Variants in MARCHF3 observed in about 807,000 individuals in gnomAD.
MARCHF3 encodes the protein E3 ubiquitin-protein ligase MARCHF3.
In MARCHF3, 13 loss-of-function variants were observed where a neutral mutation model predicts 24.2. The ratio of observed to expected loss-of-function variants is 0.54; its 90% CI spans 0.35 to 0.85. The LOEUF (loss-of-function observed/expected upper bound fraction) is 0.85. Among genes scored for constraint, MARCHF3 ranks in the 40% least tolerant of loss-of-function variants. The pLI is 0.01. For missense variants in MARCHF3, 276 were observed against 325.0 expected (o/e 0.85, Z 1.16); for synonymous variants, 144 against 137.3 (o/e 1.05, Z -0.34).
At chr5:127,004,334 GCT>G (rs1752237169) in intron 1 of MARCHF3, among the ~76,000 whole-genome samples, 2 of 152,082 alleles carry the variant, frequency 1.3e-5, no homozygotes, top group African/African-American at 2.4e-5. Context: ...TCCGTGTGCT[GCT>G]CTGTTTATTT....
chr5:127,018,152 C>T (rs1336316421), intron 1 of MARCHF3, among the ~76,000 whole-genome samples: 1 of 152,170 alleles, frequency 6.6e-6, no homozygotes, highest in Admixed American at 6.5e-5. Context: ...GGGCAGATCA[C>T]CTGAGGTCAG....
rs527628656 is a variant in MARCHF3 at position 126,938,165 on chromosome 5, CTTTT to C, written c.-56-19942_-56-19939del. On this transcript the variant is annotated intron_variant, in intron 1 of 4. Coordinates refer to ENST00000308660, the MANE Select transcript of MARCHF3 (RefSeq NM_178450.5). ...AATTCTCAGCTCTGTTGATCTGATT[CTTTT>C]TTTTTTTTTTTTTTTTTTGAGACAG... Among the ~76,000 whole-genome samples, 1,044 of 122,870 alleles carry C rather than the reference CTTTT, an allele frequency of 8.5e-3. 7 individuals are homozygous for C. Among genetic ancestry groups the C allele is most frequent in the East Asian group, 0.026 (114 of 4,380 alleles). The allele number at this position is 122,870 out of a possible 152,430, so 80.6% of individuals were successfully genotyped here.
chr5:126,870,531 C>A lies in MARCHF3; in HGVS notation c.*102G>T. ...TATGCTCTGGATGTTCTTAGACCCACAGGCTTAAGGAAGGGCTTGGGGGTC... is the reference window on the plus strand; with the variant it reads ...TATGCTCTGGATGTTCTTAGACCCAAAGGCTTAAGGAAGGGCTTGGGGGTC... On this transcript the variant is annotated 3_prime_UTR_variant, in exon 5 of 5. Transcript: ENST00000308660. The A allele has an allele frequency of 9.3e-7, 1 of 1,075,790 alleles. No homozygotes were observed. The highest frequency in any genetic ancestry group is 1.4e-6 in the Non-Finnish European group (1 of 723,986). The allele number at this position is 1,075,790 out of a possible 1,614,324, so 66.6% of individuals were successfully genotyped here. A position where few individuals can be genotyped will look rare whatever the true frequency, so the allele number is the denominator to read the frequency against.
chr5:126,875,619 T>C (rs1753121363), intron 4 of MARCHF3, among the ~76,000 whole-genome samples: 1 of 152,222 alleles, frequency 6.6e-6, no homozygotes, highest in South Asian at 2.1e-4. Context: ...GACGGAGTTA[T>C]TCTATATTCA....
intron 3 of MARCHF3, among the ~76,000 whole-genome samples, chr5:126,909,735 T>C (rs972051312): frequency 6.6e-5 from 10 of 152,316 alleles, no homozygotes; most frequent in Non-Finnish European, 1.3e-4. Flanking sequence ...GAGATGAACC[T>C]GGTACCTCAG....
At chr5:126,944,623 AC>A (rs1157677879) in intron 1 of MARCHF3, among the ~76,000 whole-genome samples, 1 of 152,110 alleles carries the variant, frequency 6.6e-6, no homozygotes, top group African/African-American at 2.4e-5. Flanking sequence ...CATCATCATC[AC>A]CCGCTTTCAC....
intron 1 of MARCHF3, among the ~76,000 whole-genome samples, chr5:126,948,469 A>G (rs937369907): frequency 6.6e-6 from 1 of 152,220 alleles, no homozygotes; most frequent in Non-Finnish European, 1.5e-5. Flanking sequence ...AGAAACACAC[A>G]AAGGTACAGG....
At chr5:126,916,068 G>C (rs555335076) in intron 2 of MARCHF3, among the ~76,000 whole-genome samples, 1 of 152,362 alleles carries the variant, frequency 6.6e-6, no homozygotes, top group Admixed American at 6.5e-5. Flanking sequence ...CAAATGCCTA[G>C]TTAATGCTAG....
chr5:126,886,030 C>T (rs1351468554), intron 3 of MARCHF3, among the ~76,000 whole-genome samples: 1 of 150,234 alleles, frequency 6.7e-6, no homozygotes, highest in African/African-American at 2.4e-5. Context: ...CTAGAAGAAA[C>T]CTACCTTGAA....
intron 3 of MARCHF3, among the ~76,000 whole-genome samples, chr5:126,896,699 G>A (rs1052368906): frequency 2.0e-5 from 3 of 152,094 alleles, no homozygotes; most frequent in Middle Eastern, 3.2e-3. Flanking sequence ...ATGGAAGAGG[G>A]AATATGCAGT....
chr5:126,983,961 A>G (rs1207796543), intron 1 of MARCHF3, among the ~76,000 whole-genome samples: 1 of 152,196 alleles, frequency 6.6e-6, no homozygotes, highest in African/African-American at 2.4e-5. Context: ...TCATACAACT[A>G]AGAGAGAGAA....
chr5:126,880,798 T>G (rs373680960), intron 3 of MARCHF3, among the ~76,000 whole-genome samples: 2 of 152,236 alleles, frequency 1.3e-5, no homozygotes, highest in Admixed American at 1.3e-4. Flanking sequence ...TGGAAGCAGA[T>G]AGACATCTGG....
At chr5:126,969,089 T>G (rs1028700461) in intron 1 of MARCHF3, among the ~76,000 whole-genome samples, 2 of 152,210 alleles carry the variant, frequency 1.3e-5, no homozygotes, top group Non-Finnish European at 2.9e-5. Flanking sequence ...ATCATGAAGA[T>G]TTACATGTGT....
intron 3 of MARCHF3, among the ~76,000 whole-genome samples, chr5:126,888,680 A>C (rs1401960818): frequency 6.6e-6 from 1 of 152,234 alleles, no homozygotes; most frequent in Non-Finnish European, 1.5e-5. Flanking sequence ...GAGAGCAAGG[A>C]AACAGAAGTT....
rs1409013068 is a variant in MARCHF3 at position 126,916,684 on chromosome 5, G to GAC, written c.188+1298_188+1299dup. ...AGCAGGTAAAAATACCTGACAGACAGACAGACAGACACACACACACACACA... is the reference window on the plus strand; with the variant it reads ...AGCAGGTAAAAATACCTGACAGACAGACACAGACAGACACACACACACACACA... On this transcript the variant is annotated intron_variant, in intron 2 of 4. Coordinates refer to ENST00000308660, the MANE Select transcript of MARCHF3 (RefSeq NM_178450.5). 1.1e-3 allele frequency among the ~76,000 whole-genome samples: 102 copies of GAC among 93,506 alleles called. 1 individual carries two copies. Among genetic ancestry groups the GAC allele is most frequent in the African/African-American group, 4.6e-3 (99 of 21,358 alleles). The allele number at this position is 93,506 out of a possible 152,430, so 61.3% of individuals were successfully genotyped here.
chr5:126,912,590 T>C (rs1754576566), intron 3 of MARCHF3, among the ~76,000 whole-genome samples: 1 of 152,202 alleles, frequency 6.6e-6, no homozygotes, highest in Non-Finnish European at 1.5e-5. Context: ...AAAAAAAAGA[T>C]GCATGTTTAT....
chr5:126,909,410 TC>T (rs1754428696), intron 3 of MARCHF3, among the ~76,000 whole-genome samples: 2 of 152,034 alleles, frequency 1.3e-5, no homozygotes, highest in African/African-American at 4.8e-5. Context: ...CGGGCGCCCC[TC>T]CCCCAGCCTC....
chr5:126,988,345 T>C (rs1347710152), intron 1 of MARCHF3, among the ~76,000 whole-genome samples: 3 of 152,190 alleles, frequency 2.0e-5, no homozygotes, highest in Non-Finnish European at 4.4e-5. Context: ...CCACACCATC[T>C]GTGAAGAAAA....
chr5:126,956,052 A>C (rs1241577930), intron 1 of MARCHF3, among the ~76,000 whole-genome samples: 7 of 152,126 alleles, frequency 4.6e-5, no homozygotes, highest in Admixed American at 4.6e-4. Context: ...TTTCCCACTT[A>C]TTTTTAATGC....
Sources: gnomAD v4.1 joint callset for allele counts (sites outside exome capture counted in the v4.1 genomes callset) on GRCh38, gnomAD v4.1.1 for gene constraint, MANE v1.5 for transcripts, NCBI Gene and HGNC (gene_info 2026-07-23, HGNC 2026-07-21) for gene names.